Variants in RAI14 observed in about 807,000 individuals in gnomAD.
RAI14 encodes retinoic acid induced 14.
In RAI14, 45 loss-of-function variants were observed where a neutral mutation model predicts 115.4. That is an observed-to-expected ratio of 0.39 (90% CI 0.31 to 0.50). RAI14 has a LOEUF of 0.50. Ranked by LOEUF, RAI14 falls within the 20% of genes least tolerant of loss-of-function variation. The pLI is 0.85. For synonymous variants in RAI14, 371 were observed against 415.4 expected, an observed-to-expected ratio of 0.89 and a Z score of 1.30; for missense variants, 939 against 1,131.2, an observed-to-expected ratio of 0.83 and a Z score of 2.44.
Position 34,823,349 on chromosome 5 carries a change from C to T in RAI14, c.1507C>T (p.Gln503Ter). ...GGCTATGAAAGAAGTCCTTAGTGTG[C>T]AGAAGCAGATGAAACTCGGTCTTGT... ...EEAMKEVLSV[Q>*]KQMKLGLVSP... The change falls in exon 15 of 18, where the codon CAG becomes TAG. Residue 503 changes from glutamine to a stop codon, truncating the protein, a stop_gained. Coordinates refer to ENST00000265109, the MANE Select transcript of RAI14 (RefSeq NM_015577.3). LOFTEE classifies it high-confidence loss of function. The surrounding 1 kb of genome is among the most constrained non-coding windows in gnomAD (Gnocchi z 4.5). 1.9e-6 allele frequency: 3 copies of T among 1,614,020 alleles called. No individual in the cohort carries two copies. Among genetic ancestry groups the T allele is most frequent in the Non-Finnish European group, 2.5e-6 (3 of 1,180,034 alleles).
At chr5:34,674,518 A>G (rs79530872) in intron 1 of RAI14, among the ~76,000 whole-genome samples, 16,984 of 151,928 alleles carry the variant, frequency 0.11, 2,610 homozygotes, top group African/African-American at 0.35. Context: ...TACTCACTCT[A>G]AAGATATTTT....
chr5:34,761,427 T>C (rs1748638723), intron 3 of RAI14, among the ~76,000 whole-genome samples: 1 of 152,206 alleles, frequency 6.6e-6, no homozygotes, highest in African/African-American at 2.4e-5. Flanking sequence ...GATCCTCCCA[T>C]GTCAGCTTCC....
At chr5:34,688,209 G>A in intron 2 of RAI14, 1 of 1,551,450 alleles carries the variant, frequency 6.4e-7, no homozygotes, top group Non-Finnish European at 8.7e-7. Flanking sequence ...ATGTTATGCA[G>A]CCTACATATC....
At chr5:34,727,438 A>G (rs1271525264) in intron 2 of RAI14, among the ~76,000 whole-genome samples, 1 of 152,224 alleles carries the variant, frequency 6.6e-6, no homozygotes, top group Non-Finnish European at 1.5e-5. Context: ...CATAAGTAAC[A>G]AGAAGCCGAA....
chr5:34,689,404 C>CA (rs1400715304), intron 2 of RAI14, among the ~76,000 whole-genome samples: 6 of 151,892 alleles, frequency 4.0e-5, no homozygotes, highest in African/African-American at 1.2e-4. Context: ...GGCCCTGTCT[C>CA]AAAAAACAAA....
At chr5:34,697,126 A>C (rs1399225686) in intron 2 of RAI14, among the ~76,000 whole-genome samples, 1 of 147,508 alleles carries the variant, frequency 6.8e-6, no homozygotes, top group Non-Finnish European at 1.5e-5. Flanking sequence ...GTAAGACTCC[A>C]TCTCAAAAAA....
chr5:34,712,392 G>A (rs1487801221), intron 2 of RAI14, among the ~76,000 whole-genome samples: 1 of 152,112 alleles, frequency 6.6e-6, no homozygotes, highest in Non-Finnish European at 1.5e-5. Flanking sequence ...GGAGGAACAG[G>A]TCAAGTCACA....
intron 2 of RAI14, among the ~76,000 whole-genome samples, chr5:34,739,403 G>A (rs1368528698): frequency 6.6e-6 from 1 of 152,170 alleles, no homozygotes; most frequent in Non-Finnish European, 1.5e-5. Context: ...CAAAAGGCGG[G>A]ACTGAGATTA....
chr5:34,698,764 T>G (rs570602711), intron 2 of RAI14, among the ~76,000 whole-genome samples: 124 of 152,088 alleles, frequency 8.2e-4, no homozygotes, highest in African/African-American at 2.9e-3. Context: ...GTGGGTGAAA[T>G]AGAAGAATGA....
chr5:34,709,032 AGGCGGG>A, intron 2 of RAI14, among the ~76,000 whole-genome samples: 1 of 150,360 alleles, frequency 6.7e-6, no homozygotes, highest in Non-Finnish European at 1.5e-5. Context: ...TGTGCTAGCT[AGGCGGG>A]AGGAATGCTT....
At chr5:34,745,606 C>T (rs772000240) in intron 2 of RAI14, among the ~76,000 whole-genome samples, 10 of 152,184 alleles carry the variant, frequency 6.6e-5, no homozygotes, top group Non-Finnish European at 1.5e-4. Flanking sequence ...CTCTGCTTCA[C>T]TCTCTGTCTT....
chr5:34,743,149 G>A (rs1745737856), intron 2 of RAI14, among the ~76,000 whole-genome samples: 1 of 152,200 alleles, frequency 6.6e-6, no homozygotes. Context: ...CAGTTTCTTA[G>A]GGCTGCCATA....
rs201899787 is a variant in RAI14 at position 34,811,837 on chromosome 5, G to A, written c.628G>A (p.Asp210Asn). 138 of 1,613,176 alleles carry A rather than the reference G, an allele frequency of 8.6e-5. No individual in the cohort carries two copies. In the East Asian group the frequency reaches 3.0e-3, roughly 35 times the overall value. Residue 210 changes from aspartate to asparagine, a missense_variant, in exon 9 of 18, where the codon GAC (aspartate) becomes AAC (asparagine). Physicochemically the swap from Asp to Asn is conservative, Grantham distance 23. Transcript: ENST00000265109. ...GGAAGCCTTAATTAAAAAGGGTGCA[G>A]ACCTAAACCTTGTAGATTCTCTTGG... The part of the protein sequence containing the change: ...AVEALIKKGA[D>N]LNLVDSLGYN...
At chr5:34,657,246 G>C (rs1402580445) in intron 1 of RAI14, 1 of 148,596 alleles carries the variant, frequency 6.7e-6, no homozygotes, top group African/African-American at 2.5e-5. Flanking sequence ...GGTGGGGGGT[G>C]GGGGGTGGGG....
At chr5:34,821,134 T>C (rs186073500) in intron 13 of RAI14, among the ~76,000 whole-genome samples, 1 of 152,268 alleles carries the variant, frequency 6.6e-6, no homozygotes, top group East Asian at 1.9e-4. Context: ...TGAACCCAGA[T>C]AAAGGAATTT....
intron 2 of RAI14, among the ~76,000 whole-genome samples, chr5:34,748,492 T>C (rs529108277): frequency 6.6e-6 from 1 of 152,338 alleles, no homozygotes; most frequent in South Asian, 2.1e-4. Context: ...TCTCCTTTAA[T>C]TTAAATATTA....
intron 3 of RAI14, among the ~76,000 whole-genome samples, chr5:34,792,804 TTGTC>T (rs62691761): frequency 0.058 from 8,789 of 152,254 alleles, 654 homozygotes; most frequent in African/African-American, 0.18. Flanking sequence ...TGTTTGTACT[TTGTC>T]TGTTTTATCT....
chr5:34,662,246 T>C (rs923333880), intron 1 of RAI14, among the ~76,000 whole-genome samples: 3 of 152,206 alleles, frequency 2.0e-5, no homozygotes, highest in African/African-American at 4.8e-5. Flanking sequence ...AACCTTAATC[T>C]GAAGATGTTG....
At chr5:34,743,071 CAGTAGGGGTGGAGTCCTCTGGGGATGTT>C in intron 2 of RAI14, among the ~76,000 whole-genome samples, 1 of 152,310 alleles carries the variant, frequency 6.6e-6, no homozygotes, top group Non-Finnish European at 1.5e-5. Context: ...AGACTGCAGT[CAGTAGGGGTGGAGTCCTCTGGGGATGTT>C]TGTGCTGGTT....
Sources: gnomAD v4.1 joint callset for allele counts (sites outside exome capture counted in the v4.1 genomes callset) on GRCh38, gnomAD v4.1.1 for gene constraint, Gnocchi (gnomAD v3.1) non-coding constraint, MANE v1.5 for transcripts, NCBI Gene and HGNC (gene_info 2026-07-23, HGNC 2026-07-21) for gene names.